The following IMPG2 variants were observed in gnomAD, a reference collection of about 807,000 sequenced individuals.
IMPG2 encodes interphotoreceptor matrix proteoglycan 2, also known as IPM 200.
IMPG2 carries 91 observed loss-of-function variants against 129.2 expected under a neutral mutation model. That is an observed-to-expected ratio of 0.70 (90% CI 0.59 to 0.84). The LOEUF (loss-of-function observed/expected upper bound fraction) is 0.84, where lower values mean the gene tolerates loss of function less well. IMPG2 is among the 40% of genes least tolerant of loss of function. IMPG2 has a pLI of 0.00. For synonymous variants in IMPG2, 510 were observed against 517.7 expected (o/e 0.99, Z 0.20); for missense variants, 1,430 against 1,461.7 (o/e 0.98, Z 0.35).
chr3:101,250,859 T>C (rs760590456), intron 11 of IMPG2, among the ~76,000 whole-genome samples: 4 of 152,180 alleles, frequency 2.6e-5, no homozygotes, highest in Non-Finnish European at 5.9e-5. Context: ...GAAAAAACTT[T>C]CCAGCCTTCC....
intron 2 of IMPG2, among the ~76,000 whole-genome samples, chr3:101,307,681 T>A (rs1707219300): frequency 6.6e-6 from 1 of 152,190 alleles, no homozygotes; most frequent in Non-Finnish European, 1.5e-5. Context: ...ACAATTCGGA[T>A]TAAAATTCAA....
At chr3:101,291,541 A>C (rs367548810) in intron 3 of IMPG2, 31 bp from the exon 4 acceptor site, 16 of 1,527,296 alleles carry the variant, frequency 1.0e-5, no homozygotes, top group Non-Finnish European at 1.5e-5. Flanking sequence ...AAAATGACTG[A>C]GTTAACAACA....
At chr3:101,234,813 G>C (rs1706328648) in intron 14 of IMPG2, among the ~76,000 whole-genome samples, 1 of 152,168 alleles carries the variant, frequency 6.6e-6, no homozygotes, top group South Asian at 2.1e-4. Context: ...AGTTGGGCAA[G>C]AGTCAAGTCA....
At position 101,303,509 on chromosome 3, in the gene IMPG2, CA is replaced by C. The variant is rs201585079; in HGVS notation, c.501+636del. Among the ~76,000 whole-genome samples the C allele has an allele frequency of 8.6e-3, 1,308 of 152,278 alleles. 16 individuals are homozygous for C. The highest frequency in any genetic ancestry group is 0.029 in the African/African-American group (1,207 of 41,570). ...ATGGACAGGGAGATATACGGAATAA[CA>C]AACAGCATGAACAATTTGCCACGTA... On this transcript the variant is annotated intron_variant, in intron 3 of 18. Coordinates refer to ENST00000193391, the MANE Select transcript of IMPG2 (RefSeq NM_016247.4).
intron 7 of IMPG2, among the ~76,000 whole-genome samples, chr3:101,270,970 A>T (rs1355809576): frequency 6.6e-6 from 1 of 152,144 alleles, no homozygotes; most frequent in Non-Finnish European, 1.5e-5. Context: ...TCTGCTTTTA[A>T]CCAAGTCCTC....
chr3:101,265,319 A>G (rs1267658624), intron 9 of IMPG2, among the ~76,000 whole-genome samples: 1 of 152,190 alleles, frequency 6.6e-6, no homozygotes, highest in Non-Finnish European at 1.5e-5. Flanking sequence ...TGTAGTCATC[A>G]AAACAGCCTG....
chr3:101,256,044 C>T (rs1258305487), intron 10 of IMPG2, among the ~76,000 whole-genome samples: 1 of 143,042 alleles, frequency 7.0e-6, no homozygotes, highest in East Asian at 2.1e-4. Context: ...AAGTTTTAGT[C>T]TGGCCTCTCA....
chr3:101,312,523 T>C (rs1484085464), intron 2 of IMPG2, among the ~76,000 whole-genome samples: 1 of 152,022 alleles, frequency 6.6e-6, no homozygotes, highest in African/African-American at 2.4e-5. Flanking sequence ...AAGGAAAACA[T>C]TGCTGGCAAA....
chr3:101,304,722 C>A (rs141403165), intron 2 of IMPG2, among the ~76,000 whole-genome samples: 1,723 of 152,140 alleles, frequency 0.011, 21 homozygotes, highest in Non-Finnish European at 0.016. Flanking sequence ...CTTCAAAAAT[C>A]AGCTTCTTTG....
At chr3:101,242,378 G>A (rs1202842127) in intron 14 of IMPG2, among the ~76,000 whole-genome samples, 1 of 152,172 alleles carries the variant, frequency 6.6e-6, no homozygotes, top group African/African-American at 2.4e-5. Context: ...AAACCTTGCA[G>A]TGACAACATG....
chr3:101,309,584 G>A (rs1707239366), intron 2 of IMPG2, among the ~76,000 whole-genome samples: 1 of 151,970 alleles, frequency 6.6e-6, no homozygotes. Context: ...CAGCATGGGG[G>A]AACCACCCCC....
At chr3:101,236,221 T>C (rs1364479791) in intron 14 of IMPG2, among the ~76,000 whole-genome samples, 3 of 152,184 alleles carry the variant, frequency 2.0e-5, no homozygotes, top group Non-Finnish European at 4.4e-5. Flanking sequence ...GATATTTAAG[T>C]TCCTTAACAA....
chr3:101,238,130 G>C (rs920569283), intron 14 of IMPG2, among the ~76,000 whole-genome samples: 2 of 151,808 alleles, frequency 1.3e-5, no homozygotes, highest in African/African-American at 4.8e-5. Flanking sequence ...TGAGATTGAA[G>C]ATCAACTTAA....
At chr3:101,231,257 C>T (rs566332032) in intron 15 of IMPG2, 112 bp from the exon 16 acceptor site, 96 of 992,344 alleles carry the variant, frequency 9.7e-5, no homozygotes, top group African/African-American at 6.7e-4. Context: ...ATGCTGACCA[C>T]GTGAAGCTTC....
In IMPG2 at chr3:101,257,730, T is replaced by C. The variant is rs751202721; in HGVS notation, c.952A>G (p.Ile318Val). ...YYAVTFNGEA[I>V]SNTTWDLISL... is the part of the protein sequence containing the mutation. ...ATGAGGTCCCAGGTGGTATTGCTGATGGCCTCACCATTGAAGGTAACTGCA... is the reference window on the plus strand; with the variant it reads ...ATGAGGTCCCAGGTGGTATTGCTGACGGCCTCACCATTGAAGGTAACTGCA... Residue 318 changes from isoleucine (I) to valine (V), a missense_variant, in exon 10 of 19, where the codon ATC becomes GTC. Ile to Val is a conservative substitution (Grantham distance 29). Coordinates refer to ENST00000193391, the MANE Select transcript of IMPG2 (RefSeq NM_016247.4). 13 of 1,613,222 alleles carry C rather than the reference T, an allele frequency of 8.1e-6. No individual in the cohort carries two copies. The highest frequency in any genetic ancestry group is 4.5e-5 in the East Asian group (2 of 44,874).
At position 101,319,471 on chromosome 3, in the gene IMPG2, T is replaced by C. The variant is rs567239545; in HGVS notation, c.334+113A>G. 1.8e-5 allele frequency: 22 copies of C among 1,227,236 alleles called. No homozygotes were observed. The Admixed American group carries it at 3.7e-4, about 21-fold the overall frequency. 76.0% of individuals were successfully genotyped at this position (1,227,236 alleles called of 1,614,324 possible). A position where few individuals can be genotyped will look rare whatever the true frequency, so the allele number is the denominator to read the frequency against. ...ATTCTTAGCAGTAGAAAGGTAGTTT[T>C]GGCTCAGTCCTGTCTAAATTATCGT... is the stretch of plus-strand genomic sequence containing the variant. On this transcript the variant is annotated intron_variant, in intron 2 of 18. Transcript: ENST00000193391.
intron 8 of IMPG2, among the ~76,000 whole-genome samples, chr3:101,268,321 G>A (rs1159371412): frequency 1.3e-5 from 2 of 152,132 alleles, no homozygotes; most frequent in Non-Finnish European, 2.9e-5. Context: ...GCCAAATAAG[G>A]GAGGTCTTCA....
chr3:101,263,634 T>C (rs1162584594), intron 9 of IMPG2, among the ~76,000 whole-genome samples: 1 of 151,628 alleles, frequency 6.6e-6, no homozygotes, highest in Non-Finnish European at 1.5e-5. Flanking sequence ...TAACAATGCA[T>C]CTCAAAGAAC....
intron 14 of IMPG2, among the ~76,000 whole-genome samples, chr3:101,239,838 A>T (rs1209155757): frequency 6.6e-6 from 1 of 152,210 alleles, no homozygotes; most frequent in Non-Finnish European, 1.5e-5. Context: ...CAAACATTGC[A>T]TGTTCTCACT....
Sources: gnomAD v4.1 joint callset for allele counts (sites outside exome capture counted in the v4.1 genomes callset) on GRCh38, gnomAD v4.1.1 for gene constraint, MANE v1.5 for transcripts, NCBI Gene and HGNC (gene_info 2026-07-23, HGNC 2026-07-21) for gene names.